The following UGGT2 variants were observed in gnomAD, a reference collection of about 807,000 sequenced individuals.
UGGT2 encodes the protein UDP-glucose glycoprotein glucosyltransferase 2, also known as UDP-glucose:glycoprotein glucosyltransferase 2.
In UGGT2, 180 loss-of-function variants were observed where a neutral mutation model predicts 192.1. The ratio of observed to expected loss-of-function variants is 0.94; its 90% CI spans 0.83 to 1.06. The LOEUF (loss-of-function observed/expected upper bound fraction) is 1.06. UGGT2 is among the 50% of genes least tolerant of loss of function. The probability of loss-of-function intolerance (pLI) is 0.00; values close to 1 mark genes in which losing one functional copy is unlikely to be tolerated. For missense variants in UGGT2, 1,849 were observed against 1,795.7 expected (o/e 1.03, Z -0.54); for synonymous variants, 580 against 591.0 (o/e 0.98, Z 0.27).
At position 95,925,701 on chromosome 13, in the gene UGGT2, A is replaced by C; in HGVS notation, c.2274T>G (p.Leu758=). ...TCACCATGTGCTTTAATGCATTAAA[A>C]AGAAGTTTTCTCCCAGAAGGCTTAT... ...DFDKPSGRKL[L]FNALKHMKTS... is the part of the protein sequence containing the mutation. The change falls in exon 20 of 39, where the codon CTT becomes CTG. Residue 758 remains leucine, a synonymous_variant. Transcript: ENST00000376747. 1 of 1,570,136 alleles carries C rather than the reference A, an allele frequency of 6.4e-7. No individual in the cohort carries two copies. Among genetic ancestry groups the C allele is most frequent in the Non-Finnish European group, 8.7e-7 (1 of 1,154,980 alleles).
At chr13:95,883,335 C>A (rs2047547185) in intron 27 of UGGT2, among the ~76,000 whole-genome samples, 1 of 152,106 alleles carries the variant, frequency 6.6e-6, no homozygotes, top group East Asian at 1.9e-4. Flanking sequence ...AGGTATCAGA[C>A]ACAAAGAGCT....
intron 20 of UGGT2, among the ~76,000 whole-genome samples, chr13:95,912,569 T>C (rs1250931634): frequency 1.3e-5 from 2 of 152,118 alleles, no homozygotes; most frequent in African/African-American, 4.8e-5. Context: ...TACAAACCAC[T>C]GCTCAAAGAA....
chr13:95,961,298 G>A (rs2050384486), intron 12 of UGGT2, among the ~76,000 whole-genome samples: 1 of 152,068 alleles, frequency 6.6e-6, no homozygotes, highest in Non-Finnish European at 1.5e-5. Context: ...ACACTTAGAA[G>A]ATACAGACTG....
chr13:95,886,258 A>C (rs2047643670), intron 26 of UGGT2, among the ~76,000 whole-genome samples: 1 of 152,208 alleles, frequency 6.6e-6, no homozygotes, highest in Non-Finnish European at 1.5e-5. Context: ...AGAAGAATAA[A>C]TTTACTAAAA....
In UGGT2 at chr13:95,957,238, A is replaced by G. The variant is rs537438516; in HGVS notation, c.1336-7784T>C. On this transcript the variant is annotated intron_variant, in intron 12 of 38. Coordinates refer to ENST00000376747, the MANE Select transcript of UGGT2 (RefSeq NM_020121.4). Reference sequence around the variant, plus strand: ...TCGGGATAATGAAAAAGTTCTGAAAATAAATGGTGGTGATGGTTGTACAAC... The same window carrying G: ...TCGGGATAATGAAAAAGTTCTGAAAGTAAATGGTGGTGATGGTTGTACAAC... Among the ~76,000 whole-genome samples the G allele has an allele frequency of 1.4e-3, 211 of 152,364 alleles. 1 individual carries two copies. Among genetic ancestry groups the G allele is most frequent in the African/African-American group, 4.7e-3 (197 of 41,588 alleles).
intron 2 of UGGT2, among the ~76,000 whole-genome samples, chr13:96,025,247 G>A (rs886177487): frequency 3.9e-5 from 6 of 152,172 alleles, no homozygotes; most frequent in African/African-American, 9.7e-5. Context: ...GACAAGATAC[G>A]TGGATTTCTG....
chr13:95,975,780 T>G (rs1163160660), intron 10 of UGGT2, among the ~76,000 whole-genome samples: 1 of 152,170 alleles, frequency 6.6e-6, no homozygotes, highest in Non-Finnish European at 1.5e-5. Flanking sequence ...TAAGGTGAAA[T>G]GATACACACT....
At chr13:95,815,238 C>G (rs954533748) in intron 38 of UGGT2, among the ~76,000 whole-genome samples, 6 of 152,100 alleles carry the variant, frequency 3.9e-5, no homozygotes, top group African/African-American at 9.7e-5. Flanking sequence ...AAATAAAACA[C>G]ATTACTATGA....
At chr13:95,841,259 G>T (rs1387580893) in intron 36 of UGGT2, among the ~76,000 whole-genome samples, 1 of 152,124 alleles carries the variant, frequency 6.6e-6, no homozygotes, top group Non-Finnish European at 1.5e-5. Flanking sequence ...ATGCTTAAAT[G>T]TCTATTTACA....
At chr13:96,023,219 C>A in intron 3 of UGGT2, 67 bp from the exon 4 acceptor site, 3 of 1,329,404 alleles carry the variant, frequency 2.3e-6, no homozygotes, top group Non-Finnish European at 3.0e-6. Context: ...AAAACCCTCA[C>A]ACATTACTTT....
chr13:95,887,844 C>G (rs771320584), intron 26 of UGGT2, 48 bp downstream of exon 26: 1 of 1,168,624 alleles, frequency 8.6e-7, no homozygotes, highest in Non-Finnish European at 1.2e-6. Flanking sequence ...TTTTTCTTCT[C>G]AGCATTTACA....
intron 19 of UGGT2, among the ~76,000 whole-genome samples, chr13:95,926,615 T>C (rs1408494148): frequency 1.3e-5 from 2 of 152,204 alleles, no homozygotes; most frequent in African/African-American, 4.8e-5. Flanking sequence ...TTTTCCCAAG[T>C]GTGTTACTAT....
intron 36 of UGGT2, among the ~76,000 whole-genome samples, chr13:95,845,890 C>A (rs535328916): frequency 2.0e-5 from 3 of 152,098 alleles, no homozygotes; most frequent in Admixed American, 2.0e-4. Context: ...AGACGCTCCT[C>A]ACTTCCTAGA....
At chr13:95,915,654 C>A (rs373288884) in intron 20 of UGGT2, among the ~76,000 whole-genome samples, 1 of 152,202 alleles carries the variant, frequency 6.6e-6, no homozygotes, top group Non-Finnish European at 1.5e-5. Context: ...ACAGGGCTTC[C>A]GGGGGAGGGT....
At chr13:95,857,292 G>A (rs1889708631) in intron 33 of UGGT2, among the ~76,000 whole-genome samples, 1 of 152,030 alleles carries the variant, frequency 6.6e-6, no homozygotes, top group African/African-American at 2.4e-5. Context: ...CATTAAATAT[G>A]TGTCCAAATA....
At chr13:95,922,779 C>T (rs1174585653) in intron 20 of UGGT2, among the ~76,000 whole-genome samples, 5 of 152,102 alleles carry the variant, frequency 3.3e-5, no homozygotes, top group Non-Finnish European at 7.4e-5. Context: ...GCCGAGATCA[C>T]ACCATTGTAC....
At chr13:96,005,377 A>G (rs954859990) in intron 5 of UGGT2, among the ~76,000 whole-genome samples, 1 of 152,188 alleles carries the variant, frequency 6.6e-6, no homozygotes, top group Non-Finnish European at 1.5e-5. Flanking sequence ...CTCCAGACAT[A>G]GCAAGGCTGA....
chr13:95,877,886 T>C, intron 27 of UGGT2, 30 bp from the exon 28 acceptor site: 1 of 1,593,688 alleles, frequency 6.3e-7, no homozygotes, highest in Middle Eastern at 1.7e-4. Flanking sequence ...TTGTTTTTGG[T>C]GTTATGTAAA....
intron 10 of UGGT2, 57 bp downstream of exon 10, chr13:95,983,747 A>C: frequency 7.9e-7 from 1 of 1,267,696 alleles, no homozygotes; most frequent in Non-Finnish European, 1.1e-6. Flanking sequence ...GAAGATCCAA[A>C]GTCAGAAACA....
Sources: gnomAD v4.1 joint callset for allele counts (sites outside exome capture counted in the v4.1 genomes callset) on GRCh38, gnomAD v4.1.1 for gene constraint, MANE v1.5 for transcripts, NCBI Gene and HGNC (gene_info 2026-07-23, HGNC 2026-07-21) for gene names.